DPY19L2: variants seen among roughly 807,000 people sequenced by gnomAD.
DPY19L2 encodes the protein probable C-mannosyltransferase DPY19L2.
A neutral mutation model predicts 97.9 loss-of-function variants in DPY19L2; 34 were observed. That is an observed-to-expected ratio of 0.35 (90% CI 0.26 to 0.46). DPY19L2 has a LOEUF of 0.46. Ranked by LOEUF, DPY19L2 falls within the 20% of genes least tolerant of loss-of-function variation. DPY19L2 has a pLI of 1.00. For synonymous variants in DPY19L2, 230 were observed against 307.9 expected (o/e 0.75, Z 2.65); for missense variants, 623 against 911.4 (o/e 0.68, Z 4.07).
intron 8 of DPY19L2, chr12:63,623,640 A>G (rs1480047298): frequency 6.3e-6 from 1 of 158,864 alleles, no homozygotes; most frequent in East Asian, 1.8e-4. Flanking sequence ...TACTTTTAAA[A>G]TAACTAAAAA....
intron 7 of DPY19L2, among the ~76,000 whole-genome samples, chr12:63,624,824 T>C (rs1177536957): frequency 6.6e-6 from 1 of 152,122 alleles, no homozygotes; most frequent in East Asian, 1.9e-4. Flanking sequence ...TGTGAACTCT[T>C]ATTACTTTGC....
intron 16 of DPY19L2, chr12:63,590,905 T>C (rs1369107101): frequency 1.4e-5 from 5 of 352,670 alleles, no homozygotes; most frequent in East Asian, 7.4e-5. Context: ...TAGACTTCCA[T>C]ATTCTGAGTA....
chr12:63,613,803 A>C (rs1289454781), intron 11 of DPY19L2, among the ~76,000 whole-genome samples: 1 of 152,170 alleles, frequency 6.6e-6, no homozygotes, highest in Non-Finnish European at 1.5e-5. Context: ...AAAAGTATTC[A>C]AGAGAAAGTG....
chr12:63,604,396 A>T (rs1345306077), intron 12 of DPY19L2, among the ~76,000 whole-genome samples: 1 of 152,164 alleles, frequency 6.6e-6, no homozygotes, highest in East Asian at 1.9e-4. Flanking sequence ...CTTTCACCAC[A>T]TTTGGGGAGT....
At chr12:63,657,943 G>T (rs1377707273) in intron 4 of DPY19L2, among the ~76,000 whole-genome samples, 1 of 152,144 alleles carries the variant, frequency 6.6e-6, no homozygotes, top group Non-Finnish European at 1.5e-5. Flanking sequence ...AGTTCTTTGT[G>T]CTTTCTGCAG....
At chr12:63,578,786 G>C (rs539800981) in intron 19 of DPY19L2, among the ~76,000 whole-genome samples, 2 of 152,122 alleles carry the variant, frequency 1.3e-5, no homozygotes, top group South Asian at 4.2e-4. Flanking sequence ...CTAGAGAAGT[G>C]GTTCTCAGGC....
intron 6 of DPY19L2, among the ~76,000 whole-genome samples, chr12:63,639,368 C>A (rs947000994): frequency 2.6e-5 from 4 of 152,142 alleles, no homozygotes; most frequent in Non-Finnish European, 5.9e-5. Flanking sequence ...TTAAACTACA[C>A]AGTTTCTGCA....
intron 4 of DPY19L2, among the ~76,000 whole-genome samples, chr12:63,658,487 C>T (rs956571651): frequency 6.6e-6 from 1 of 152,196 alleles, no homozygotes; most frequent in African/African-American, 2.4e-5. Context: ...AAGTGAGACT[C>T]TGTCTCAAAA....
chr12:63,576,064 A>G (rs1194783389), intron 19 of DPY19L2, among the ~76,000 whole-genome samples: 2 of 152,046 alleles, frequency 1.3e-5, no homozygotes, highest in Non-Finnish European at 2.9e-5. Flanking sequence ...AGCAAACTGA[A>G]TTCAATAACA....
chr12:63,648,636 C>G (rs915556498), intron 4 of DPY19L2, among the ~76,000 whole-genome samples: 1 of 151,936 alleles, frequency 6.6e-6, no homozygotes, highest in Non-Finnish European at 1.5e-5. Flanking sequence ...CCATGTTGGC[C>G]AGGCTGGTCT....
intron 6 of DPY19L2, among the ~76,000 whole-genome samples, chr12:63,638,879 AG>A (rs1397627222): frequency 6.6e-6 from 1 of 152,180 alleles, no homozygotes; most frequent in African/African-American, 2.4e-5. Context: ...GAACCAAAAA[AG>A]AGCCCGCATT....
chr12:63,616,927 A>G (rs564736585), intron 11 of DPY19L2, among the ~76,000 whole-genome samples: 1 of 152,288 alleles, frequency 6.6e-6, no homozygotes, highest in South Asian at 2.1e-4. Flanking sequence ...AATGTGCCAT[A>G]GTCTGTGAAG....
chr12:63,665,659 T>C (rs1896250014), intron 2 of DPY19L2, among the ~76,000 whole-genome samples, 176 bp downstream of exon 2: 1 of 152,306 alleles, frequency 6.6e-6, no homozygotes, highest in South Asian at 2.1e-4. Context: ...GCATCTATTT[T>C]GTAAATGCTG....
upstream of DPY19L2, chr12:63,668,704 G>C: frequency 2.8e-6 from 1 of 354,360 alleles, no homozygotes; most frequent in Non-Finnish European, 5.2e-6. Flanking sequence ...ACCCTCCCCA[G>C]CGCCTGCAGC....
chr12:63,648,177 A>G (rs1416189388), intron 4 of DPY19L2, among the ~76,000 whole-genome samples: 5 of 152,150 alleles, frequency 3.3e-5, no homozygotes, highest in Non-Finnish European at 7.4e-5. Flanking sequence ...AGCCTTCACC[A>G]GACACCAAAT....
chr12:63,618,576 T>G, intron 9 of DPY19L2, among the ~76,000 whole-genome samples: 1 of 152,130 alleles, frequency 6.6e-6, no homozygotes, highest in South Asian at 2.1e-4. Context: ...TGAGAGGCAG[T>G]TGGAAGACCA....
chr12:63,631,195 G>A lies in DPY19L2; in HGVS notation c.804-4669C>T, dbSNP rs547967192. 6.6e-5 allele frequency among the ~76,000 whole-genome samples: 10 copies of A among 152,188 alleles called. No individual in the cohort carries two copies. The South Asian group carries it at 2.1e-3, about 32-fold the overall frequency. The stretch of plus-strand genomic sequence containing the variant: ...GAGCAAACACATTCAAAAGCTAGCA[G>A]AAAGCAAGAAATAACTAAGATCAGA... On this transcript the variant is annotated intron_variant, in intron 6 of 21. Transcript: ENST00000324472.
At chr12:63,647,509 G>A (rs1197414128) in intron 4 of DPY19L2, 144 bp from the exon 5 acceptor site, 1 of 353,500 alleles carries the variant, frequency 2.8e-6, no homozygotes, top group Non-Finnish European at 4.7e-6. Flanking sequence ...GATGAAGCTG[G>A]AAACCATCAT....
At chr12:63,662,046 C>T (rs1046368353) in intron 3 of DPY19L2, among the ~76,000 whole-genome samples, 6 of 152,062 alleles carry the variant, frequency 3.9e-5, no homozygotes, top group Non-Finnish European at 7.4e-5. Flanking sequence ...TGCTCACAAA[C>T]GCTATGTACT....
Sources: allele counts gnomAD v4.1 joint callset (sites outside exome capture counted in the v4.1 genomes callset), GRCh38; gene constraint gnomAD v4.1.1; transcripts MANE v1.5; gene names NCBI Gene and HGNC (gene_info 2026-07-23, HGNC 2026-07-21).